The following GAB2 variants were observed in gnomAD, a reference collection of about 807,000 sequenced individuals.
GAB2 encodes GRB2 associated binding protein 2, also known as GRB2-associated-binding protein 2.
GAB2 carries 26 observed loss-of-function variants against 65.5 expected under a neutral mutation model. That is an observed-to-expected ratio of 0.40 (90% CI 0.29 to 0.55). The LOEUF (loss-of-function observed/expected upper bound fraction) is 0.55, where lower values mean the gene tolerates loss of function less well. Among genes scored for constraint, GAB2 ranks in the 20% least tolerant of loss-of-function variants. The pLI is 0.53. For missense variants in GAB2, 884 were observed against 875.8 expected (o/e 1.01, Z -0.12); for synonymous variants, 321 against 329.6 (o/e 0.97, Z 0.28).
Position 78,226,946 on chromosome 11 carries a change from A to G in GAB2, c.726T>C (p.Ser242=), listed in dbSNP as rs771994627. The change falls in exon 4 of 10, where the codon AGT becomes AGC. Residue 242 remains serine (S), a synonymous_variant. Transcript: ENST00000361507. ...GGCTATAGAAGCCATGGACTTGACC[A>G]CTGATCCCGTTGACACAGTGTCCAT... is the stretch of plus-strand genomic sequence containing the variant. ...QGNGHCVNGI[S]GQVHGFYSLP... is the part of the protein sequence containing the mutation. 1 of 1,613,744 alleles carries G rather than the reference A, an allele frequency of 6.2e-7. No homozygotes were observed.
intron 1 of GAB2, among the ~76,000 whole-genome samples, chr11:78,387,582 G>C (rs1232987071): frequency 6.6e-6 from 1 of 151,944 alleles, no homozygotes; most frequent in Non-Finnish European, 1.5e-5. Flanking sequence ...ATAACAAATA[G>C]TTGAAATCTG....
At chr11:78,366,793 A>G (rs1856504416) in intron 1 of GAB2, among the ~76,000 whole-genome samples, 1 of 149,132 alleles carries the variant, frequency 6.7e-6, no homozygotes, top group South Asian at 2.1e-4. Flanking sequence ...GTAATTGGGG[A>G]TAGGGCTTGG....
chr11:78,220,501 C>G, intron 8 of GAB2, 57 bp from the exon 9 acceptor site: 2 of 1,478,164 alleles, frequency 1.4e-6, no homozygotes, highest in Admixed American at 2.2e-5. Context: ...AACCCACCAC[C>G]CAGAAAAACA....
At chr11:78,288,926 A>G (rs1866568049) in intron 1 of GAB2, among the ~76,000 whole-genome samples, 1 of 152,270 alleles carries the variant, frequency 6.6e-6, no homozygotes, top group Non-Finnish European at 1.5e-5. Context: ...CTTATTATAT[A>G]GCTACAACAA....
intron 1 of GAB2, among the ~76,000 whole-genome samples, chr11:78,293,173 G>C (rs1866726073): frequency 6.6e-6 from 1 of 152,226 alleles, no homozygotes; most frequent in Admixed American, 6.5e-5. Flanking sequence ...CCCTAGAAGA[G>C]AGCAGCATAG....
intron 1 of GAB2, among the ~76,000 whole-genome samples, chr11:78,347,922 C>A (rs1473907107): frequency 1.3e-5 from 2 of 152,208 alleles, no homozygotes; most frequent in East Asian, 1.9e-4. Context: ...CAACTTTTGA[C>A]TCCCCTGAAA....
At chr11:78,416,649 C>G (rs1471046658) in intron 1 of GAB2, among the ~76,000 whole-genome samples, 2 of 152,188 alleles carry the variant, frequency 1.3e-5, no homozygotes, top group Admixed American at 6.5e-5. Flanking sequence ...GACCTTGAAA[C>G]CTTCCAGCAA....
At chr11:78,286,839 C>G (rs1591000928) in intron 1 of GAB2, among the ~76,000 whole-genome samples, 1 of 151,908 alleles carries the variant, frequency 6.6e-6, no homozygotes, top group East Asian at 1.9e-4. Flanking sequence ...ACCCATGATA[C>G]AAAAATGAAA....
At chr11:78,389,528 G>A (rs1001217000) in intron 1 of GAB2, among the ~76,000 whole-genome samples, 1 of 151,986 alleles carries the variant, frequency 6.6e-6, no homozygotes, top group African/African-American at 2.4e-5. Context: ...GACTGGTCTC[G>A]AACTCCCAAC....
chr11:78,346,508 T>G (rs1384241856), intron 1 of GAB2, among the ~76,000 whole-genome samples: 1 of 151,742 alleles, frequency 6.6e-6, no homozygotes, highest in Non-Finnish European at 1.5e-5. Context: ...ATACTGGAGC[T>G]GGGATTCAAA....
intron 1 of GAB2, among the ~76,000 whole-genome samples, chr11:78,342,299 C>T (rs1856109648): frequency 6.6e-6 from 1 of 152,114 alleles, no homozygotes; most frequent in South Asian, 2.1e-4. Flanking sequence ...AATTAAACTC[C>T]TTCTTCAAGG....
At chr11:78,373,424 A>G (rs1395967739) in intron 1 of GAB2, among the ~76,000 whole-genome samples, 1 of 152,016 alleles carries the variant, frequency 6.6e-6, no homozygotes, top group African/African-American at 2.4e-5. Context: ...TTTAGTAGAG[A>G]TGGGAGTTTC....
intron 9 of GAB2, 25 bp from the exon 10 acceptor site, chr11:78,219,440 G>A: frequency 1.2e-6 from 2 of 1,611,974 alleles, no homozygotes; most frequent in East Asian, 2.2e-5. Flanking sequence ...TGGGAAAGAG[G>A]GAGTAGCTGT....
intron 1 of GAB2, among the ~76,000 whole-genome samples, chr11:78,417,149 G>A (rs902300191): frequency 3.3e-5 from 5 of 152,268 alleles, no homozygotes; most frequent in African/African-American, 9.6e-5. Flanking sequence ...ACGGAGGGAG[G>A]CCGGCGGCCG....
chr11:78,361,570 C>A (rs1399850136), intron 1 of GAB2, among the ~76,000 whole-genome samples: 10 of 152,086 alleles, frequency 6.6e-5, no homozygotes, highest in African/African-American at 9.7e-5. Flanking sequence ...ATTAACCCTG[C>A]AGAAAAATAA....
chr11:78,412,607 A>G (rs1014803867), intron 1 of GAB2, among the ~76,000 whole-genome samples: 7 of 152,200 alleles, frequency 4.6e-5, no homozygotes, highest in African/African-American at 1.7e-4. Flanking sequence ...TACTGTTGTG[A>G]TACTGTACTA....
chr11:78,270,631 C>T (rs1865985085), intron 2 of GAB2, among the ~76,000 whole-genome samples: 1 of 152,176 alleles, frequency 6.6e-6, no homozygotes, highest in Admixed American at 6.5e-5. Context: ...ACTTTGTTTC[C>T]TCATGCTTAA....
intron 1 of GAB2, among the ~76,000 whole-genome samples, chr11:78,314,322 T>G (rs1317781229): frequency 6.6e-6 from 1 of 152,268 alleles, no homozygotes; most frequent in East Asian, 1.9e-4. Context: ...CAGCTTGCAC[T>G]GCGTCCCATA....
At chr11:78,278,609 C>A (rs911147349) in intron 2 of GAB2, among the ~76,000 whole-genome samples, 1 of 150,140 alleles carries the variant, frequency 6.7e-6, no homozygotes, top group Non-Finnish European at 1.5e-5. Context: ...GAACTCCAGG[C>A]CTCAGGTGAT....
Sources: allele counts gnomAD v4.1 joint callset (sites outside exome capture counted in the v4.1 genomes callset), GRCh38; gene constraint gnomAD v4.1.1; transcripts MANE v1.5; gene names NCBI Gene and HGNC (gene_info 2026-07-23, HGNC 2026-07-21).